The following KIAA1549 variants were observed in gnomAD, a reference collection of about 807,000 sequenced individuals.
The protein encoded by KIAA1549 is UPF0606 protein KIAA1549.
Under a neutral mutation model 156.4 loss-of-function variants are expected in KIAA1549, and 70 were observed. The observed-to-expected ratio is 0.45, with a 90% confidence interval of 0.37 to 0.55. The LOEUF is 0.55. Ranked by LOEUF, KIAA1549 falls within the 20% of genes least tolerant of loss-of-function variation. The pLI, the probability that KIAA1549 is intolerant of heterozygous loss-of-function variation, is 0.00. For synonymous variants in KIAA1549, 1,103 were observed against 1,066.4 expected, an observed-to-expected ratio of 1.03 and a Z score of -0.67; for missense variants, 2,428 against 2,540.9, an observed-to-expected ratio of 0.96 and a Z score of 0.96.
intron 1 of KIAA1549, among the ~76,000 whole-genome samples, chr7:138,956,460 G>A (rs2130548344): frequency 6.6e-6 from 1 of 152,302 alleles, no homozygotes; most frequent in East Asian, 1.9e-4. Context: ...TAATTCCCAT[G>A]TGTTGTGGGA....
rs956191915 is a variant in KIAA1549 at position 138,834,689 on chromosome 7, C to A, written c.*3217G>T. 4.3e-6 allele frequency: 1 copy of A among 232,624 alleles called. No homozygotes were observed. The highest frequency in any genetic ancestry group is 8.5e-6 in the Non-Finnish European group (1 of 117,640). The allele number at this position is 232,624 out of a possible 1,614,324, so 14.4% of individuals were successfully genotyped here. On this transcript the variant is annotated 3_prime_UTR_variant, in exon 20 of 20. Transcript: ENST00000422774. Reference sequence around the variant, plus strand: ...ATGGGAGTGAGGAAACTGAGTCACACCGAGCTTTCGGTTTTGCTCATTACC... The same window carrying A: ...ATGGGAGTGAGGAAACTGAGTCACAACGAGCTTTCGGTTTTGCTCATTACC...
Position 138,949,375 on chromosome 7 carries a change from C to T in KIAA1549, c.188-29937G>A, listed in dbSNP as rs985090599. ...GACACAAAATGTTCTGTCATATAGA[C>T]GAAGTGATAATGTCAGGATAGACCC... On this transcript the variant is annotated intron_variant, in intron 1 of 19. Coordinates refer to ENST00000422774, the MANE Select transcript of KIAA1549 (RefSeq NM_001164665.2). Among the ~76,000 whole-genome samples, 79 of 152,138 alleles carry T rather than the reference C, an allele frequency of 5.2e-4. 1 individual carries two copies. Among genetic ancestry groups the T allele is most frequent in the African/African-American group, 1.9e-3 (78 of 41,512 alleles).
In KIAA1549 at chr7:138,910,577, T is replaced by C. The variant is rs144539523; in HGVS notation, c.3145+569A>G. On this transcript the variant is annotated intron_variant, in intron 4 of 19. Transcript: ENST00000422774. ...CATATCTGGCTAATTTTTGTATTTT[T>C]AGTAGAGATGAGGTTTCGCCATGTT... Among the ~76,000 whole-genome samples, 530 of 152,096 alleles carry C rather than the reference T, an allele frequency of 3.5e-3. 4 individuals are homozygous for C. The highest frequency in any genetic ancestry group is 0.012 in the African/African-American group (508 of 41,484).
rs544548044 is a variant in KIAA1549, at chr7:138,925,902, C to A, written c.188-6464G>T. Among the ~76,000 whole-genome samples, 8 of 140,524 alleles carry A rather than the reference C, an allele frequency of 5.7e-5. No individual in the cohort carries two copies. In the South Asian group the frequency reaches 2.0e-3, roughly 35 times the overall value. 92.2% of individuals were successfully genotyped at this position (140,524 alleles called of 152,430 possible). A position where few individuals can be genotyped will look rare whatever the true frequency, so the allele number is the denominator to read the frequency against. On this transcript the variant is annotated intron_variant, in intron 1 of 19. Coordinates refer to ENST00000422774, the MANE Select transcript of KIAA1549 (RefSeq NM_001164665.2). The stretch of plus-strand genomic sequence containing the variant: ...AGTACAATTGAGTTGAAAGCACTTG[C>A]TAAATTCTGTTACTAAAACTTATGG...
intron 1 of KIAA1549, among the ~76,000 whole-genome samples, chr7:138,959,379 T>C (rs962433576): frequency 2.6e-5 from 4 of 152,154 alleles, no homozygotes; most frequent in Non-Finnish European, 4.4e-5. Context: ...TGCTGGACAT[T>C]GTGGAATAAA....
intron 8 of KIAA1549, among the ~76,000 whole-genome samples, chr7:138,899,763 C>A (rs1811789329): frequency 6.6e-6 from 1 of 152,108 alleles, no homozygotes; most frequent in Admixed American, 6.5e-5. Flanking sequence ...AAAATCACCC[C>A]CACCCACCAC....
At chr7:138,859,694 G>A (rs1481214939) in intron 16 of KIAA1549, among the ~76,000 whole-genome samples, 1 of 152,132 alleles carries the variant, frequency 6.6e-6, no homozygotes, top group Non-Finnish European at 1.5e-5. Flanking sequence ...GGGGCAACTG[G>A]AGGACTCAGT....
At position 138,911,728 on chromosome 7, in the gene KIAA1549, T is replaced by A. The variant is rs143589115; in HGVS notation, c.2968-405A>T. ...TTTTAAATACATTTTATTTAATATA[T>A]CTAAAATATCATTTCAACATGAAGT... On this transcript the variant is annotated intron_variant, in intron 3 of 19. Transcript: ENST00000422774. Among the ~76,000 whole-genome samples, 525 of 152,312 alleles carry A rather than the reference T, an allele frequency of 3.4e-3. 4 individuals carry two copies. The highest frequency in any genetic ancestry group is 0.012 in the African/African-American group (497 of 41,560).
intron 1 of KIAA1549, among the ~76,000 whole-genome samples, chr7:138,968,859 C>CAAA (rs75576327): frequency 1.5e-4 from 10 of 66,398 alleles, no homozygotes; most frequent in African/African-American, 2.1e-4. Context: ...GACTCCGTCT[C>CAAA]AAAAAAAAAA....
In KIAA1549 at chr7:138,889,536, G is replaced by C. The variant is rs561458741; in HGVS notation, c.4032+4806C>G. 1.3e-4 allele frequency among the ~76,000 whole-genome samples: 20 copies of C among 152,230 alleles called. 1 individual carries two copies. Among genetic ancestry groups the C allele is most frequent in the South Asian group, 6.2e-4 (3 of 4,818 alleles). ...AAGTCAACAACAAGATGCGACACAG[G>C]GTCCCTCAAGAAATAGCTGATGACC... On this transcript the variant is annotated intron_variant, in intron 10 of 19. Transcript: ENST00000422774.
At chr7:138,944,864 G>A (rs941505347) in intron 1 of KIAA1549, among the ~76,000 whole-genome samples, 4 of 152,228 alleles carry the variant, frequency 2.6e-5, no homozygotes, top group Non-Finnish European at 5.9e-5. Context: ...GCAGAATGCA[G>A]TTAGTGGCTG....
Position 138,873,675 on chromosome 7 carries a change from A to G in KIAA1549, c.4346-2313T>C, listed in dbSNP as rs530437333. ...TGGGTACCACTGGAGCAGCAGCCTAAGACTGGGCTCCTGTCCAGAGCCCGG... is the reference window on the plus strand; with the variant it reads ...TGGGTACCACTGGAGCAGCAGCCTAGGACTGGGCTCCTGTCCAGAGCCCGG... On this transcript the variant is annotated intron_variant, in intron 12 of 19. Transcript: ENST00000422774. Among the ~76,000 whole-genome samples the G allele has an allele frequency of 2.8e-4, 42 of 150,738 alleles. 1 individual carries two copies. In the South Asian group the frequency reaches 8.6e-3, roughly 31 times the overall value.
chr7:138,971,870 C>G (rs1278111822), intron 1 of KIAA1549, among the ~76,000 whole-genome samples: 1 of 152,218 alleles, frequency 6.6e-6, no homozygotes, highest in Non-Finnish European at 1.5e-5. Flanking sequence ...TCTGAGCACA[C>G]AGGCTTTGAC....
chr7:138,878,665 G>T (rs1238188576), intron 12 of KIAA1549, among the ~76,000 whole-genome samples: 2 of 152,032 alleles, frequency 1.3e-5, no homozygotes, highest in African/African-American at 4.8e-5. Flanking sequence ...AGGAGACTGA[G>T]GTGGGAGGAT....
intron 16 of KIAA1549, among the ~76,000 whole-genome samples, chr7:138,857,753 T>C (rs1047815732): frequency 6.6e-6 from 1 of 152,248 alleles, no homozygotes; most frequent in African/African-American, 2.4e-5. Flanking sequence ...TCTTTAATAA[T>C]ACTCTTTACT....
intron 1 of KIAA1549, among the ~76,000 whole-genome samples, chr7:138,970,525 A>AC (rs1814188334): frequency 6.6e-6 from 1 of 152,194 alleles, no homozygotes; most frequent in Admixed American, 6.5e-5. Flanking sequence ...TTTGAAGTAC[A>AC]CCCAACTTCA....
intron 1 of KIAA1549, among the ~76,000 whole-genome samples, chr7:138,979,866 A>G (rs1191788919): frequency 6.6e-6 from 1 of 152,100 alleles, no homozygotes; most frequent in African/African-American, 2.4e-5. Flanking sequence ...CGGGGGTGGG[A>G]GGCAGGGAAA....
At position 138,909,089 on chromosome 7, in the gene KIAA1549, C is replaced by T. The variant is rs750702451; in HGVS notation, c.3178G>A (p.Gly1060Ser). Residue 1060 changes from glycine (G) to serine (S), a missense_variant, in exon 5 of 20, where the codon GGC becomes AGC. Physicochemically the swap from Gly to Ser is moderately conservative, Grantham distance 56 (BLOSUM62 0). This residue lies in a region of KIAA1549 where 762 missense variants were observed against 901.6 expected (regional missense o/e 0.85). Transcript: ENST00000422774. ...ATGCGCTGGGTGAAGTTGCAGAAGC[C>T]AGTATCCACACTCGGAGGCACAAAC... ...LQFVPPSVDTGFCNFTQRIEK... is the reference protein window; with the variant it reads ...LQFVPPSVDTSFCNFTQRIEK... 6.2e-7 allele frequency: 1 copy of T among 1,613,846 alleles called. No homozygotes were observed. The highest frequency in any genetic ancestry group is 1.7e-5 in the Admixed American group (1 of 60,014).
chr7:138,964,973 T>C (rs1813974966), intron 1 of KIAA1549, among the ~76,000 whole-genome samples: 1 of 152,062 alleles, frequency 6.6e-6, no homozygotes, highest in African/African-American at 2.4e-5. Flanking sequence ...TTTTCTTTTT[T>C]TTTTTGAGAC....
Sources: allele counts gnomAD v4.1 joint callset (sites outside exome capture counted in the v4.1 genomes callset), GRCh38; gene constraint gnomAD v4.1.1; regional missense constraint gnomAD v4.1.1; transcripts MANE v1.5; gene names NCBI Gene and HGNC (gene_info 2026-07-23, HGNC 2026-07-21).